The following NRTN variants were observed in gnomAD, a reference collection of about 807,000 sequenced individuals.
NRTN encodes the protein prepro-neurturin.
A neutral mutation model predicts 7.5 loss-of-function variants in NRTN; 3 were observed. That is an observed-to-expected ratio of 0.40 (90% CI 0.18 to 1.03). The LOEUF is 1.03. NRTN is among the 50% of genes least tolerant of loss of function. The probability of loss-of-function intolerance (pLI) is 0.34; values close to 1 mark genes in which losing one functional copy is unlikely to be tolerated. For missense variants in NRTN, 310 were observed against 307.0 expected (o/e 1.01, Z -0.07); for synonymous variants, 157 against 146.6 (o/e 1.07, Z -0.51).
chr19:5,824,422 CAT>C (rs1480798817), intron 2 of NRTN, 88 bp downstream of exon 2: 8 of 1,493,936 alleles, frequency 5.4e-6, no homozygotes, highest in Non-Finnish European at 7.2e-6. Flanking sequence ...GGGGGGGTGT[CAT>C]AGGTTTTTTA....
At chr19:5,814,559 G>A (rs137874659) in intron 1 of NRTN, among the ~76,000 whole-genome samples, 186 of 152,250 alleles carry the variant, frequency 1.2e-3, no homozygotes, top group African/African-American at 4.3e-3. Flanking sequence ...TGGGGAGTTC[G>A]GTGGGAAGGG....
chr19:5,819,629 C>T (rs763060549), intron 1 of NRTN, among the ~76,000 whole-genome samples: 2 of 151,484 alleles, frequency 1.3e-5, no homozygotes, highest in South Asian at 2.1e-4. Flanking sequence ...TGTCATTGCA[C>T]TCCAGCCTGG....
At position 5,828,065 on chromosome 19, in the gene NRTN, G is replaced by C. The variant is rs1478591362; in HGVS notation, c.486G>C (p.Gln162His). ...RRLRRERVRA[Q>H]PCCRPTAYED... ...TGCGGCGGGAGCGGGTGCGCGCGCA[G>C]CCCTGCTGCCGCCCGACGGCCTACG... The change falls in exon 3 of 3, where the codon CAG becomes CAC. Residue 162 changes from glutamine to histidine, a missense_variant. Transcript: ENST00000303212. 1 of 1,469,970 alleles carries C rather than the reference G, an allele frequency of 6.8e-7. No homozygotes were observed. Among genetic ancestry groups the C allele is most frequent in the African/African-American group, 1.5e-5 (1 of 68,144 alleles). The allele number at this position is 1,469,970 out of a possible 1,614,324, so 91.1% of individuals were successfully genotyped here.
intron 1 of NRTN, among the ~76,000 whole-genome samples, chr19:5,809,274 G>A (rs544414445): frequency 2.0e-5 from 3 of 150,288 alleles, no homozygotes; most frequent in Admixed American, 6.7e-5. Context: ...GGACTCAAGC[G>A]ATCCTCTTGC....
intron 1 of NRTN, among the ~76,000 whole-genome samples, chr19:5,822,977 T>C (rs1488196837): frequency 6.8e-6 from 1 of 147,906 alleles, no homozygotes; most frequent in Non-Finnish European, 1.5e-5. Flanking sequence ...TGAGCTGTGA[T>C]CACACCACTG....
At chr19:5,826,000 T>C (rs1179735419) in intron 2 of NRTN, among the ~76,000 whole-genome samples, 2 of 152,044 alleles carry the variant, frequency 1.3e-5, no homozygotes, top group Admixed American at 6.6e-5. Context: ...CCGGGCGTGG[T>C]GGCGGGCGCC....
In NRTN at chr19:5,806,230, G is replaced by A. The variant is rs1048961635; in HGVS notation, c.-399+779G>A. ...GCTGCAGACAGATTAGTGGGGAGGG[G>A]GGTGTGCTGGAGAGAGAAATGGCTC... On this transcript the variant is annotated intron_variant, in intron 1 of 2. Transcript: ENST00000303212. This position sits in a 1 kb window ranked among gnomAD's most constrained non-coding sequence, Gnocchi z 5.4. Among the ~76,000 whole-genome samples, 32 of 152,196 alleles carry A rather than the reference G, an allele frequency of 2.1e-4. No homozygotes were observed. The highest frequency in any genetic ancestry group is 7.7e-4 in the African/African-American group (32 of 41,538).
rs1335329183 is a variant in NRTN, at chr19:5,828,042, C to T, written c.463C>T (p.Arg155Trp). ...ACGACTGCGCCAGCGGCGGCGCCTG[C>T]GGCGGGAGCGGGTGCGCGCGCAGCC... ...LRRLRQRRRL[R>W]RERVRAQPCC... Residue 155 changes from arginine (R) to tryptophan (W), a missense_variant, in exon 3 of 3, where the codon CGG (arginine) becomes TGG (tryptophan). Arg to Trp is a moderately radical substitution (Grantham distance 101). Transcript: ENST00000303212. 5.0e-6 allele frequency: 7 copies of T among 1,408,434 alleles called. No homozygotes were observed. The highest frequency in any genetic ancestry group is 1.5e-5 in the African/African-American group (1 of 66,210). The allele number at this position is 1,408,434 out of a possible 1,614,324, so 87.2% of individuals were successfully genotyped here. A position where few individuals can be genotyped will look rare whatever the true frequency, so the allele number is the denominator to read the frequency against.
chr19:5,810,249 G>C (rs2056985947), intron 1 of NRTN, among the ~76,000 whole-genome samples: 2 of 144,412 alleles, frequency 1.4e-5, no homozygotes, highest in African/African-American at 5.2e-5. Flanking sequence ...CCTGGGGACA[G>C]AGCAAGACTC....
chr19:5,823,114 GAA>G (rs201379387), intron 1 of NRTN, among the ~76,000 whole-genome samples: 28,173 of 149,278 alleles, frequency 0.19, 3,159 homozygotes, highest in South Asian at 0.32. Flanking sequence ...AGGAAAGAAA[GAA>G]AGAGAAAGAG....
At chr19:5,821,886 A>AAGCCC (rs1237198582) in intron 1 of NRTN, among the ~76,000 whole-genome samples, 5 of 152,158 alleles carry the variant, frequency 3.3e-5, no homozygotes, top group African/African-American at 4.8e-5. Context: ...ATCTGCTCCC[A>AAGCCC]AGCCCAGCCC....
At chr19:5,824,976 G>C (rs921244868) in intron 2 of NRTN, among the ~76,000 whole-genome samples, 4 of 152,028 alleles carry the variant, frequency 2.6e-5, no homozygotes, top group Non-Finnish European at 5.9e-5. Context: ...CATTCGCCTG[G>C]TTGGCCCCCG....
At position 5,806,396 on chromosome 19, in the gene NRTN, C is replaced by T. The variant is rs990751095; in HGVS notation, c.-399+945C>T. 1.3e-5 allele frequency among the ~76,000 whole-genome samples: 2 copies of T among 152,046 alleles called. No homozygotes were observed. Among genetic ancestry groups the T allele is most frequent in the Non-Finnish European group, 2.9e-5 (2 of 67,996 alleles). The stretch of plus-strand genomic sequence containing the variant: ...CTTAAAGCAGGGGGGTGCAGGAGGC[C>T]GGACCCCTGACTTTCCTCCCTCTTG... On this transcript the variant is annotated intron_variant, in intron 1 of 2. Transcript: ENST00000303212. The surrounding 1 kb of genome is among the most constrained non-coding windows in gnomAD (Gnocchi z 5.4).
intron 1 of NRTN, among the ~76,000 whole-genome samples, chr19:5,813,309 C>T (rs1345819082): frequency 6.6e-6 from 1 of 150,740 alleles, no homozygotes; most frequent in East Asian, 2.0e-4. Context: ...CAGAGGCGGG[C>T]GGATCACCTG....
At chr19:5,812,426 T>C (rs1001206585) in intron 1 of NRTN, among the ~76,000 whole-genome samples, 12 of 152,176 alleles carry the variant, frequency 7.9e-5, no homozygotes, top group African/African-American at 2.7e-4. Flanking sequence ...TGGACCTCTT[T>C]CTCCGGCAGA....
intron 1 of NRTN, among the ~76,000 whole-genome samples, chr19:5,818,000 G>T (rs1045491765): frequency 2.0e-5 from 3 of 151,464 alleles, no homozygotes; most frequent in Non-Finnish European, 4.4e-5. Flanking sequence ...GTCTCGCTCT[G>T]TCGCTCAGGC....
At position 5,823,770 on chromosome 19, in the gene NRTN, G is replaced by A. The variant is rs2057034539; in HGVS notation, c.-396G>A. 5.8e-6 allele frequency: 2 copies of A among 345,504 alleles called. No homozygotes were observed. Among genetic ancestry groups the A allele is most frequent in the Non-Finnish European group, 1.1e-5 (2 of 181,700 alleles). The allele number at this position is 345,504 out of a possible 1,614,324, so 21.4% of individuals were successfully genotyped here. On this transcript the variant is annotated splice_region_variant and 5_prime_UTR_variant, in exon 2 of 3. Transcript: ENST00000303212. ...CACTCTTCCCCCTGGCTCCTCAGCT[G>A]CAGCCGCTCCGGCCTCCTTGCTGTT... is the stretch of plus-strand genomic sequence containing the variant.
In NRTN at chr19:5,824,000, G is replaced by T; in HGVS notation, c.-166G>T. The stretch of plus-strand genomic sequence containing the variant: ...TGGCACGGAGGCCAACCCCTTCCTT[G>T]TTCAATGGTTCCTTGAGGGACCATT... On this transcript the variant is annotated 5_prime_UTR_variant, in exon 2 of 3. Transcript: ENST00000303212. 1 of 936,794 alleles carries T rather than the reference G, an allele frequency of 1.1e-6. No individual in the cohort carries two copies. The highest frequency in any genetic ancestry group is 1.6e-6 in the Non-Finnish European group (1 of 615,112). 58.0% of individuals were successfully genotyped at this position (936,794 alleles called of 1,614,324 possible). A position where few individuals can be genotyped will look rare whatever the true frequency, so the allele number is the denominator to read the frequency against.
chr19:5,819,722 C>A (rs867454659), intron 1 of NRTN, among the ~76,000 whole-genome samples: 4 of 151,860 alleles, frequency 2.6e-5, no homozygotes, highest in South Asian at 2.1e-4. Flanking sequence ...GTGGTGCATG[C>A]CTGTGGTCCC....
Sources: gnomAD v4.1 joint callset for allele counts (sites outside exome capture counted in the v4.1 genomes callset) on GRCh38, gnomAD v4.1.1 for gene constraint, Gnocchi (gnomAD v3.1) non-coding constraint, MANE v1.5 for transcripts, NCBI Gene and HGNC (gene_info 2026-07-23, HGNC 2026-07-21) for gene names.